The following AK4 variants were observed in gnomAD, a reference collection of about 807,000 sequenced individuals.
The protein encoded by AK4 is adenylate kinase 4, mitochondrial.
A neutral mutation model predicts 24.6 loss-of-function variants in AK4; 13 were observed. That is an observed-to-expected ratio of 0.53 (90% CI 0.34 to 0.84). AK4 has a LOEUF of 0.84. Among genes scored for constraint, AK4 ranks in the 40% least tolerant of loss-of-function variants. The probability of loss-of-function intolerance (pLI) is 0.01; values close to 1 mark genes in which losing one functional copy is unlikely to be tolerated. For missense variants in AK4, 192 were observed against 288.2 expected (o/e 0.67, Z 2.42); for synonymous variants, 88 against 107.0 (o/e 0.82, Z 1.10).
intron 1 of AK4, among the ~76,000 whole-genome samples, chr1:65,155,175 C>T (rs1270487597): frequency 6.6e-6 from 1 of 152,064 alleles, no homozygotes; most frequent in Non-Finnish European, 1.5e-5. Context: ...TTAAACGTAG[C>T]TTACAAATAT....
At chr1:65,176,569 C>T (rs1240429408) in intron 1 of AK4, among the ~76,000 whole-genome samples, 2 of 152,154 alleles carry the variant, frequency 1.3e-5, no homozygotes, top group African/African-American at 4.8e-5. Flanking sequence ...GTCCCCTCCT[C>T]ACCACAGAGA....
intron 2 of AK4, among the ~76,000 whole-genome samples, chr1:65,193,138 T>C (rs1651361830): frequency 6.6e-6 from 1 of 152,196 alleles, no homozygotes; most frequent in Non-Finnish European, 1.5e-5. Flanking sequence ...AGTGGCTCTG[T>C]TCTGCAATAG....
At chr1:65,190,454 G>T (rs75327137) in intron 1 of AK4, among the ~76,000 whole-genome samples, 3,315 of 147,552 alleles carry the variant, frequency 0.022, 33 homozygotes, top group Non-Finnish European at 0.037. Context: ...TTTTTTGGGG[G>T]GGGGGCGGGA....
intron 3 of AK4, 130 bp from the exon 4 acceptor site, chr1:65,224,622 C>T (rs765232549): frequency 1.5e-4 from 105 of 687,426 alleles, no homozygotes; most frequent in Non-Finnish European, 2.4e-4. Flanking sequence ...AAAATTACCA[C>T]TGTCACCAAG....
chr1:65,183,493 C>T (rs1483644433), intron 1 of AK4, among the ~76,000 whole-genome samples: 1 of 152,182 alleles, frequency 6.6e-6, no homozygotes, highest in Non-Finnish European at 1.5e-5. Context: ...ACCCACCCAA[C>T]CTTGGCCTCC....
chr1:65,171,383 A>G (rs1228004218), intron 1 of AK4, among the ~76,000 whole-genome samples: 1 of 126,602 alleles, frequency 7.9e-6, no homozygotes, highest in African/African-American at 3.1e-5. Context: ...CAATCTCCGC[A>G]CTGCAACCTC....
intron 1 of AK4, among the ~76,000 whole-genome samples, chr1:65,190,395 C>CAGAA: frequency 7.3e-6 from 1 of 137,794 alleles, no homozygotes; most frequent in Non-Finnish European, 1.5e-5. Flanking sequence ...CCCAAAGTAC[C>CAGAA]AGAAGTACAG....
At chr1:65,180,513 AAG>A (rs1187593709) in intron 1 of AK4, among the ~76,000 whole-genome samples, 2 of 152,210 alleles carry the variant, frequency 1.3e-5, no homozygotes, top group African/African-American at 2.4e-5. Flanking sequence ...CCTTAAATTT[AAG>A]AGTTTCTTCC....
chr1:65,177,256 G>A (rs1399346380), intron 1 of AK4, among the ~76,000 whole-genome samples: 3 of 94,866 alleles, frequency 3.2e-5, no homozygotes, highest in East Asian at 8.2e-4. Context: ...AATATGCCAC[G>A]AGCATATTAG....
chr1:65,202,757 T>G (rs1363292223), intron 2 of AK4, among the ~76,000 whole-genome samples: 1 of 152,032 alleles, frequency 6.6e-6, no homozygotes, highest in Non-Finnish European at 1.5e-5. Context: ...TATTGTGCAC[T>G]TACAATGCAC....
At chr1:65,176,865 A>T (rs1019281900) in intron 1 of AK4, among the ~76,000 whole-genome samples, 2 of 152,200 alleles carry the variant, frequency 1.3e-5, no homozygotes, top group Admixed American at 6.5e-5. Context: ...TTGCCTCAGT[A>T]TGAAGCCATT....
At chr1:65,221,341 G>A (rs548867147) in intron 3 of AK4, among the ~76,000 whole-genome samples, 10 of 152,190 alleles carry the variant, frequency 6.6e-5, no homozygotes, top group East Asian at 1.9e-4. Flanking sequence ...AAATTTCTTC[G>A]AGGGGCTAAG....
intron 1 of AK4, among the ~76,000 whole-genome samples, chr1:65,152,380 ATATATTTTTTTTTTTTTTTTTTTT>A (rs1649822641): frequency 2.3e-5 from 1 of 44,002 alleles, no homozygotes; most frequent in South Asian, 1.0e-3. Context: ...ATATATATAT[ATATATTTTTTTTTTTTTTTTTTTT>A]TTTTTTTTTT....
chr1:65,231,272 A>T lies in AK4; in HGVS notation c.*5095A>T, dbSNP rs1381754533. ...TTATCTTTCTTGTAACAATTTGCAC[A>T]GTTCTTGCCAGAATAAATGCCATTA... is the stretch of plus-strand genomic sequence containing the variant. On this transcript the variant is annotated 3_prime_UTR_variant, in exon 5 of 5. Transcript: ENST00000327299. 2.0e-5 allele frequency: 3 copies of T among 152,162 alleles called. No individual in the cohort carries two copies. In the East Asian group the frequency reaches 5.8e-4, roughly 29 times the overall value. The allele number at this position is 152,162 out of a possible 1,614,324, so 9.4% of individuals were successfully genotyped here.
chr1:65,197,320 T>G (rs1325114683), intron 2 of AK4, among the ~76,000 whole-genome samples: 1 of 152,248 alleles, frequency 6.6e-6, no homozygotes, highest in East Asian at 1.9e-4. Flanking sequence ...GTAGTAGAAT[T>G]ATCTGCCATA....
At chr1:65,214,390 C>T (rs575465178) in intron 2 of AK4, among the ~76,000 whole-genome samples, 9 of 152,228 alleles carry the variant, frequency 5.9e-5, no homozygotes, top group African/African-American at 9.6e-5. Context: ...GGATTACAGG[C>T]GTGAGCCACT....
chr1:65,199,164 G>T (rs999295476), intron 2 of AK4, among the ~76,000 whole-genome samples: 1 of 152,002 alleles, frequency 6.6e-6, no homozygotes, highest in Non-Finnish European at 1.5e-5. Context: ...TTCCCCCCTG[G>T]ACTTTGAAGG....
At chr1:65,151,001 C>T (rs1295103404) in intron 1 of AK4, among the ~76,000 whole-genome samples, 1 of 152,002 alleles carries the variant, frequency 6.6e-6, no homozygotes, top group Non-Finnish European at 1.5e-5. Context: ...TCACCCACAC[C>T]GGAGTTCAGT....
chr1:65,180,258 G>A (rs1195097967), intron 1 of AK4, among the ~76,000 whole-genome samples: 1 of 152,098 alleles, frequency 6.6e-6, no homozygotes, highest in Non-Finnish European at 1.5e-5. Flanking sequence ...GACCAGCCTG[G>A]GCAACATGGT....
Sources: gnomAD v4.1 joint callset for allele counts (sites outside exome capture counted in the v4.1 genomes callset) on GRCh38, gnomAD v4.1.1 for gene constraint, MANE v1.5 for transcripts, NCBI Gene and HGNC (gene_info 2026-07-23, HGNC 2026-07-21) for gene names.